Variants in GTF2IRD1 observed in about 807,000 individuals in gnomAD.
GTF2IRD1 encodes the protein general transcription factor II-I repeat domain-containing protein 1.
A neutral mutation model predicts 113.2 loss-of-function variants in GTF2IRD1; 26 were observed. The observed-to-expected ratio is 0.23, with a 90% CI of 0.17 to 0.32. The LOEUF (loss-of-function observed/expected upper bound fraction) is 0.32. Ranked by LOEUF, GTF2IRD1 falls within the 10% of genes least tolerant of loss-of-function variation. GTF2IRD1 has a pLI of 1.00. For synonymous variants in GTF2IRD1, 484 were observed against 529.1 expected, an observed-to-expected ratio of 0.91 and a Z score of 1.17; for missense variants, 864 against 1,280.8, an observed-to-expected ratio of 0.67 and a Z score of 4.97.
chr7:74,526,460 G>A (rs782640077), intron 8 of GTF2IRD1, among the ~76,000 whole-genome samples: 1 of 152,198 alleles, frequency 6.6e-6, no homozygotes, highest in Non-Finnish European at 1.5e-5. Context: ...GGGTGAATTG[G>A]GCCAGTGACA....
chr7:74,574,650 G>A (rs1321129774), intron 22 of GTF2IRD1, among the ~76,000 whole-genome samples: 10 of 148,900 alleles, frequency 6.7e-5, no homozygotes, highest in African/African-American at 2.5e-4. Context: ...TTGTAGAGAC[G>A]GGGTTTTGCC....
intron 1 of GTF2IRD1, among the ~76,000 whole-genome samples, chr7:74,505,356 G>C (rs938826874): frequency 6.6e-6 from 1 of 152,150 alleles, no homozygotes; most frequent in African/African-American, 2.4e-5. Context: ...CCCTCCATCT[G>C]AGGCCCTTTG....
chr7:74,558,842 C>A lies in GTF2IRD1; in HGVS notation c.2108-19C>A, dbSNP rs372639389. ...TGCCTCTCACTCCTGACGGGCAGGA[C>A]CCTGCCTCTCGCCCACAGGGGAAGC... On this transcript the variant is annotated intron_variant, in intron 20 of 26. Coordinates refer to ENST00000424337, the MANE Select transcript of GTF2IRD1 (RefSeq NM_005685.4). 4.4e-6 allele frequency: 7 copies of A among 1,603,224 alleles called. No homozygotes were observed. In the South Asian group the frequency reaches 7.8e-5, roughly 18 times the overall value.
rs1802734999 is a variant in GTF2IRD1 at position 74,601,082 on chromosome 7, G to T, written c.2668G>T (p.Val890Phe). The T allele has an allele frequency of 1.9e-6, 3 of 1,614,004 alleles. No homozygotes were observed. In the African/African-American group the frequency reaches 4.0e-5, roughly 22 times the overall value. The change falls in exon 26 of 27, where the codon GTC (valine) becomes TTC (phenylalanine). Residue 890 changes from valine to phenylalanine, a missense_variant. This residue lies in a region of GTF2IRD1 where 55 missense variants were observed against 52.2 expected (regional missense o/e 1.05). Transcript: ENST00000424337. Reference protein sequence around the residue: ...SSIPKRKRKRVSEGNSVSSSS... With the variant: ...SSIPKRKRKRFSEGNSVSSSS... ...CATTCCCAAGCGCAAGAGAAAGCGG[G>T]TCTCGGAAGGAAATTCCGTCTCCTC... is the stretch of plus-strand genomic sequence containing the variant.
At chr7:74,583,086 T>C (rs1246934649) in intron 22 of GTF2IRD1, among the ~76,000 whole-genome samples, 1 of 152,164 alleles carries the variant, frequency 6.6e-6, no homozygotes, top group Non-Finnish European at 1.5e-5. Flanking sequence ...TTCCTGAGCT[T>C]GATGTTGACT....
chr7:74,481,417 C>T (rs1390550103), intron 1 of GTF2IRD1, among the ~76,000 whole-genome samples: 1 of 152,136 alleles, frequency 6.6e-6, no homozygotes, highest in African/African-American at 2.4e-5. Flanking sequence ...TCTCTGGCTC[C>T]CAGAGTGTTG....
At chr7:74,546,276 T>C (rs1798933494) in intron 16 of GTF2IRD1, among the ~76,000 whole-genome samples, 2 of 146,870 alleles carry the variant, frequency 1.4e-5, no homozygotes, top group South Asian at 4.3e-4. Flanking sequence ...GGCTGGGGTG[T>C]GGTGGCGCAA....
At position 74,508,091 on chromosome 7, in the gene GTF2IRD1, T is replaced by A; in HGVS notation, c.11T>A (p.Leu4Gln). 1 of 1,608,176 alleles carries A rather than the reference T, an allele frequency of 6.2e-7. No homozygotes were observed. Among genetic ancestry groups the A allele is most frequent in the Non-Finnish European group, 8.5e-7 (1 of 1,179,746 alleles). MAL[L>Q]GKRCDVPTNG... ...TCCCCACAGGCGACCATGGCCTTGC[T>A]GGGTAAGCGCTGTGACGTCCCCACC... is the stretch of plus-strand genomic sequence containing the variant. Residue 4 changes from leucine to glutamine, a missense_variant, in exon 2 of 27, where the codon CTG (leucine) becomes CAG (glutamine). By Grantham distance (113) the Leu-to-Gln change is moderately radical. Around this residue, in one of 7 missense-constraint regions of GTF2IRD1, gnomAD observed 182 missense variants for 266.6 expected, o/e 0.68. Transcript: ENST00000424337.
chr7:74,518,736 A>T (rs1797097940), intron 5 of GTF2IRD1, among the ~76,000 whole-genome samples: 1 of 152,026 alleles, frequency 6.6e-6, no homozygotes, highest in Non-Finnish European at 1.5e-5. Flanking sequence ...AAAATAAAAA[A>T]AATTACCCAG....
At chr7:74,581,464 C>T (rs1490625260) in intron 22 of GTF2IRD1, among the ~76,000 whole-genome samples, 2 of 152,180 alleles carry the variant, frequency 1.3e-5, no homozygotes, top group Admixed American at 6.5e-5. Flanking sequence ...TTGAAGGGCC[C>T]GGTATTGCTC....
chr7:74,457,670 C>T (rs143849502), intron 1 of GTF2IRD1, among the ~76,000 whole-genome samples: 4 of 152,150 alleles, frequency 2.6e-5, no homozygotes, highest in Admixed American at 6.5e-5. Context: ...CTCTGACTCT[C>T]GCCGTTTGTA....
At chr7:74,492,435 G>C (rs1197535205) in intron 1 of GTF2IRD1, among the ~76,000 whole-genome samples, 1 of 152,064 alleles carries the variant, frequency 6.6e-6, no homozygotes, top group African/African-American at 2.4e-5. Flanking sequence ...CTCCAAAAGT[G>C]CTGGGATTAC....
chr7:74,458,215 C>T (rs188367150), intron 1 of GTF2IRD1, among the ~76,000 whole-genome samples: 148 of 152,074 alleles, frequency 9.7e-4, no homozygotes, highest in South Asian at 3.3e-3. Context: ...AATATGGGGC[C>T]GCTAGGACAG....
chr7:74,599,798 C>G (rs1802638008), intron 25 of GTF2IRD1, among the ~76,000 whole-genome samples: 3 of 152,112 alleles, frequency 2.0e-5, no homozygotes, highest in Non-Finnish European at 4.4e-5. Flanking sequence ...GCTGGGATTA[C>G]CAGTGTGAGC....
At chr7:74,478,048 C>T (rs529008789) in intron 1 of GTF2IRD1, among the ~76,000 whole-genome samples, 1 of 152,272 alleles carries the variant, frequency 6.6e-6, no homozygotes, top group South Asian at 2.1e-4. Context: ...CAGATGCCTG[C>T]CTGAGAACAA....
Position 74,555,269 on chromosome 7 carries a change from G to C in GTF2IRD1, c.1966+46G>C. On this transcript the variant is annotated intron_variant, in intron 18 of 26. Transcript: ENST00000424337. This position sits in a 1 kb window ranked among gnomAD's most constrained non-coding sequence, Gnocchi z 5.3. ...AGCCATGGTGTGGGCGGGCAAGGGAGGGCCCCAGGCCTCTGCCACCAGCCC... is the reference window on the plus strand; with the variant it reads ...AGCCATGGTGTGGGCGGGCAAGGGACGGCCCCAGGCCTCTGCCACCAGCCC... 1 of 1,580,580 alleles carries C rather than the reference G, an allele frequency of 6.3e-7. No homozygotes were observed. Among genetic ancestry groups the C allele is most frequent in the Non-Finnish European group, 8.7e-7 (1 of 1,151,836 alleles).
At chr7:74,499,136 G>T (rs1554338790) in intron 1 of GTF2IRD1, among the ~76,000 whole-genome samples, 1 of 152,092 alleles carries the variant, frequency 6.6e-6, no homozygotes, top group African/African-American at 2.4e-5. Context: ...ATGAGTAGGG[G>T]TGGTGAGGGG....
chr7:74,562,389 G>A (rs587622549), intron 22 of GTF2IRD1, among the ~76,000 whole-genome samples: 1 of 152,054 alleles, frequency 6.6e-6, no homozygotes, highest in Non-Finnish European at 1.5e-5. Context: ...GGAAAGTGCC[G>A]CCTCATTCAA....
At chr7:74,501,736 C>T (rs569763875) in intron 1 of GTF2IRD1, among the ~76,000 whole-genome samples, 2 of 152,214 alleles carry the variant, frequency 1.3e-5, no homozygotes, top group South Asian at 2.1e-4. Flanking sequence ...ACTGCAACCT[C>T]GACCTCCTGG....
Sources: gnomAD v4.1 joint callset for allele counts (sites outside exome capture counted in the v4.1 genomes callset) on GRCh38, gnomAD v4.1.1 for gene constraint, gnomAD v4.1.1 regional missense constraint, Gnocchi (gnomAD v3.1) non-coding constraint, MANE v1.5 for transcripts, NCBI Gene and HGNC (gene_info 2026-07-23, HGNC 2026-07-21) for gene names.